The following STOM variants were observed in gnomAD, a reference collection of about 807,000 sequenced individuals.
STOM encodes the protein erythrocyte band 7 integral membrane protein.
Under a neutral mutation model 30.6 loss-of-function variants are expected in STOM, and 25 were observed. The observed-to-expected ratio is 0.82, with a 90% CI of 0.60 to 1.14. The LOEUF (loss-of-function observed/expected upper bound fraction) is 1.14, where lower values mean the gene tolerates loss of function less well. Ranked by LOEUF, STOM falls within the 50% of genes most tolerant of loss-of-function variation. The pLI is 0.00. For missense variants in STOM, 292 were observed against 365.2 expected (o/e 0.80, Z 1.63); for synonymous variants, 118 against 130.8 (o/e 0.90, Z 0.67).
intron 1 of STOM, among the ~76,000 whole-genome samples, chr9:121,357,437 A>ATATATT (rs1318433915): frequency 7.0e-4 from 64 of 91,042 alleles, no homozygotes; most frequent in African/African-American, 2.8e-3. Flanking sequence ...ATATATATAT[A>ATATATT]TATTTATTTA....
At chr9:121,364,145 AG>A (rs1288633766) in intron 1 of STOM, among the ~76,000 whole-genome samples, 1 of 152,340 alleles carries the variant, frequency 6.6e-6, no homozygotes, top group African/African-American at 2.4e-5. Context: ...AGATTAAAAA[AG>A]CTAGAAGTGA....
intron 3 of STOM, among the ~76,000 whole-genome samples, chr9:121,353,701 T>G (rs2134032449): frequency 6.6e-6 from 1 of 152,274 alleles, no homozygotes; most frequent in African/African-American, 2.4e-5. Flanking sequence ...TTTGTTCCCC[T>G]CTTCAGCCAC....
In STOM at chr9:121,354,593, G is replaced by C. The variant is rs2064368382; in HGVS notation, c.238+8C>G. The stretch of plus-strand genomic sequence containing the variant: ...TTCAGATAAACAATCTAGAATCCCA[G>C]TACTGACCAGGTCCTTTGGCTCCTC... On this transcript the variant is annotated splice_region_variant and intron_variant, in intron 3 of 6. Coordinates refer to ENST00000286713, the MANE Select transcript of STOM (RefSeq NM_004099.6). The C allele has an allele frequency of 6.2e-7, 1 of 1,602,870 alleles. No homozygotes were observed. The highest frequency in any genetic ancestry group is 8.5e-7 in the Non-Finnish European group (1 of 1,172,668).
intron 1 of STOM, among the ~76,000 whole-genome samples, chr9:121,365,336 G>C (rs969845254): frequency 6.6e-6 from 1 of 152,054 alleles, no homozygotes; most frequent in Non-Finnish European, 1.5e-5. Flanking sequence ...GGCTGAACAT[G>C]GCCCATGTCT....
At position 121,349,050 on chromosome 9, in the gene STOM, TCAAA is replaced by T. The variant is rs561393556; in HGVS notation, c.525+66_525+69del. The T allele has an allele frequency of 6.6e-4, 1,008 of 1,526,474 alleles. 3 individuals carry two copies. In the African/African-American group the frequency reaches 0.012, roughly 19 times the overall value. 94.6% of individuals were successfully genotyped at this position (1,526,474 alleles called of 1,614,324 possible). A position where few individuals can be genotyped will look rare whatever the true frequency, so the allele number is the denominator to read the frequency against. ...CACAACTTGAATTAATAAAAGGTTC[TCAAA>T]CAACCATTGACTCTTTGCTTCATTT... On this transcript the variant is annotated intron_variant, in intron 5 of 6. Transcript: ENST00000286713.
intron 5 of STOM, among the ~76,000 whole-genome samples, 184 bp from the exon 6 acceptor site, chr9:121,348,333 A>G (rs2064307894): frequency 6.6e-6 from 1 of 152,246 alleles, no homozygotes; most frequent in Admixed American, 6.5e-5. Flanking sequence ...GTTGCTAACA[A>G]GCTAATGCAG....
Position 121,341,168 on chromosome 9 carries a change from C to T in STOM, c.*34G>A. 1 of 1,613,022 alleles carries T rather than the reference C, an allele frequency of 6.2e-7. No individual in the cohort carries two copies. The highest frequency in any genetic ancestry group is 8.5e-7 in the Non-Finnish European group (1 of 1,179,098). On this transcript the variant is annotated 3_prime_UTR_variant, in exon 7 of 7. Coordinates refer to ENST00000286713, the MANE Select transcript of STOM (RefSeq NM_004099.6). Reference sequence around the variant, plus strand: ...AGTTAAAGGCTAATTTGGTCCCCGACTTCATGCTTGGAAGGCTAGCGCTCA... The same window carrying T: ...AGTTAAAGGCTAATTTGGTCCCCGATTTCATGCTTGGAAGGCTAGCGCTCA...
chr9:121,346,802 A>C (rs2064293774), intron 6 of STOM, among the ~76,000 whole-genome samples: 1 of 152,228 alleles, frequency 6.6e-6, no homozygotes, highest in Admixed American at 6.5e-5. Flanking sequence ...ATGAGCTACT[A>C]TCCTATTTGA....
chr9:121,344,558 T>C (rs2064273322), intron 6 of STOM, among the ~76,000 whole-genome samples: 2 of 152,208 alleles, frequency 1.3e-5, no homozygotes, highest in Non-Finnish European at 2.9e-5. Context: ...GATAGGATCT[T>C]AGAGAGCAAA....
At chr9:121,368,825 A>G (rs2064530832) in intron 1 of STOM, among the ~76,000 whole-genome samples, 1 of 151,968 alleles carries the variant, frequency 6.6e-6, no homozygotes, top group African/African-American at 2.4e-5. Context: ...CTGTAATCCC[A>G]GCTACTTGGG....
At chr9:121,352,309 T>C (rs1260700000) in intron 4 of STOM, among the ~76,000 whole-genome samples, 1 of 152,250 alleles carries the variant, frequency 6.6e-6, no homozygotes, top group Non-Finnish European at 1.5e-5. Flanking sequence ...ATTGTATCAT[T>C]GTCAATTGCT....
chr9:121,369,864 G>T (rs1437489361), intron 1 of STOM: 2 of 478,606 alleles, frequency 4.2e-6, no homozygotes, highest in East Asian at 6.2e-5. Flanking sequence ...CTGGCATGGG[G>T]CTTGGCATCT....
At chr9:121,363,656 T>C (rs999382217) in intron 1 of STOM, among the ~76,000 whole-genome samples, 4 of 152,220 alleles carry the variant, frequency 2.6e-5, no homozygotes, top group East Asian at 1.9e-4. Flanking sequence ...TTTAAAATCA[T>C]TTAAAAATAT....
rs142089777 is a variant in STOM, at chr9:121,370,031, C to T, written c.61+96G>A. The T allele has an allele frequency of 1.9e-5, 22 of 1,188,510 alleles. No individual in the cohort carries two copies. In the South Asian group the frequency reaches 3.1e-4, roughly 17 times the overall value. The allele number at this position is 1,188,510 out of a possible 1,614,324, so 73.6% of individuals were successfully genotyped here. A position where few individuals can be genotyped will look rare whatever the true frequency, so the allele number is the denominator to read the frequency against. On this transcript the variant is annotated intron_variant, in intron 1 of 6. Coordinates refer to ENST00000286713, the MANE Select transcript of STOM (RefSeq NM_004099.6). ...TGAGATCTCGCCCAGCCCGAAGCAG[C>T]GGAGACTGGCCAGGAGCCCGGCTGT...
intron 1 of STOM, chr9:121,369,848 G>GGT: frequency 6.8e-6 from 3 of 442,780 alleles, no homozygotes; most frequent in South Asian, 4.4e-5. Context: ...ACGAGATAGT[G>GGT]CAGCCCTGGC....
intron 2 of STOM, 37 bp downstream of exon 2, chr9:121,356,016 T>G (rs1166203504): frequency 1.3e-6 from 2 of 1,570,084 alleles, no homozygotes; most frequent in Non-Finnish European, 1.8e-6. Context: ...GAGGTAGGAG[T>G]TGACCCCTTC....
At chr9:121,342,301 T>C (rs1202115247) in intron 6 of STOM, among the ~76,000 whole-genome samples, 1 of 151,412 alleles carries the variant, frequency 6.6e-6, no homozygotes, top group African/African-American at 2.4e-5. Context: ...ACCCGGGAGG[T>C]TGCAGTGAGC....
chr9:121,351,474 G>C (rs1335696955), intron 4 of STOM, among the ~76,000 whole-genome samples: 2 of 152,340 alleles, frequency 1.3e-5, no homozygotes, highest in East Asian at 1.9e-4. Flanking sequence ...ACATGGCCAG[G>C]CTCCATCACC....
chr9:121,369,931 C>G (rs916123739), intron 1 of STOM, 196 bp downstream of exon 1: 3 of 520,064 alleles, frequency 5.8e-6, no homozygotes, highest in Non-Finnish European at 1.0e-5. Context: ...TGGCAGCCCG[C>G]CACCCCTCCA....
Sources: gnomAD v4.1 joint callset for allele counts (sites outside exome capture counted in the v4.1 genomes callset) on GRCh38, gnomAD v4.1.1 for gene constraint, MANE v1.5 for transcripts, NCBI Gene and HGNC (gene_info 2026-07-23, HGNC 2026-07-21) for gene names.